Variants in BLOC1S6 observed in about 807,000 individuals in gnomAD.
BLOC1S6 encodes biogenesis of lysosomal organelles complex 1 subunit 6.
In BLOC1S6, 24 loss-of-function variants were observed where a neutral mutation model predicts 24.7. The ratio of observed to expected loss-of-function variants is 0.97; its 90% CI spans 0.70 to 1.37. The LOEUF (loss-of-function observed/expected upper bound fraction) is 1.37, where lower values mean the gene tolerates loss of function less well. Among genes scored for constraint, BLOC1S6 ranks in the 40% most tolerant of loss-of-function variants. The pLI is 0.00. For synonymous variants in BLOC1S6, 76 were observed against 72.6 expected (o/e 1.05, Z -0.23); for missense variants, 175 against 196.2 (o/e 0.89, Z 0.64).
At position 45,606,612 on chromosome 15, in the gene BLOC1S6, C is replaced by T; in HGVS notation, c.*98C>T. ...GAGGTAGTGCCTTATGCCATTATGTCATATGTTGAAATCCTTATTCCGGTA... is the reference window on the plus strand; with the variant it reads ...GAGGTAGTGCCTTATGCCATTATGTTATATGTTGAAATCCTTATTCCGGTA... On this transcript the variant is annotated 3_prime_UTR_variant, in exon 5 of 5. Coordinates refer to ENST00000220531, the MANE Select transcript of BLOC1S6 (RefSeq NM_012388.4). 1 of 1,534,456 alleles carries T rather than the reference C, an allele frequency of 6.5e-7. No individual in the cohort carries two copies. Among genetic ancestry groups the T allele is most frequent in the South Asian group, 1.1e-5 (1 of 89,186 alleles).
At chr15:45,593,377 T>G (rs535662916) in intron 2 of BLOC1S6, among the ~76,000 whole-genome samples, 1 of 131,596 alleles carries the variant, frequency 7.6e-6, no homozygotes, top group African/African-American at 3.1e-5. Context: ...AGAGTGAGAC[T>G]CTGTCTCCGA....
chr15:45,603,046 G>A, intron 2 of BLOC1S6, 54 bp from the exon 3 acceptor site: 1 of 1,200,586 alleles, frequency 8.3e-7, no homozygotes, highest in Non-Finnish European at 1.2e-6. Context: ...TCCTTTTAAT[G>A]GACCGGCACT....
chr15:45,587,526 G>A lies in BLOC1S6; in HGVS notation c.82+1G>A, dbSNP rs1194283484. On this transcript the variant is annotated splice_donor_variant, in intron 1 of 4. Transcript: ENST00000220531. LOFTEE classifies it high-confidence loss of function. ...CTGGAGGCCGGGGAGCCGACGCCTG[G>A]TACGTACTATCGGGTGGGAAGCGCG... 2.5e-6 allele frequency: 4 copies of A among 1,571,724 alleles called. No homozygotes were observed. The highest frequency in any genetic ancestry group is 1.8e-5 in the Admixed American group (1 of 54,608).
intron 2 of BLOC1S6, among the ~76,000 whole-genome samples, chr15:45,595,652 A>C (rs1894044910): frequency 6.6e-6 from 1 of 152,024 alleles, no homozygotes; most frequent in Non-Finnish European, 1.5e-5. Context: ...AAATAAGAAA[A>C]AATATAGTCG....
chr15:45,592,655 T>C (rs986875634), intron 2 of BLOC1S6, among the ~76,000 whole-genome samples: 1 of 152,246 alleles, frequency 6.6e-6, no homozygotes, highest in African/African-American at 2.4e-5. Flanking sequence ...TTTCAGTTGC[T>C]GGTTCAAATA....
At chr15:45,589,212 T>TA (rs1294460380) in intron 1 of BLOC1S6, among the ~76,000 whole-genome samples, 3 of 152,234 alleles carry the variant, frequency 2.0e-5, no homozygotes, top group African/African-American at 4.8e-5. Context: ...TATGGAAAGA[T>TA]ACCTAAGATA....
At chr15:45,587,655 C>A in intron 1 of BLOC1S6, 130 bp downstream of exon 1, 1 of 954,242 alleles carries the variant, frequency 1.0e-6, no homozygotes, top group Non-Finnish European at 1.6e-6. Flanking sequence ...GGCCCTGCCC[C>A]GAGTGCAGAA....
At chr15:45,596,582 T>G (rs1364658531) in intron 2 of BLOC1S6, among the ~76,000 whole-genome samples, 1 of 152,224 alleles carries the variant, frequency 6.6e-6, no homozygotes, top group Non-Finnish European at 1.5e-5. Context: ...TTGTGTAGGT[T>G]TATTTAATAA....
intron 2 of BLOC1S6, among the ~76,000 whole-genome samples, chr15:45,600,320 T>C (rs1179795939): frequency 6.6e-6 from 1 of 150,972 alleles, no homozygotes; most frequent in Non-Finnish European, 1.5e-5. Flanking sequence ...ACCCTAAAAC[T>C]TAAAGTATAA....
At chr15:45,597,588 A>T (rs908877566) in intron 2 of BLOC1S6, among the ~76,000 whole-genome samples, 8 of 152,168 alleles carry the variant, frequency 5.3e-5, no homozygotes, top group African/African-American at 1.9e-4. Context: ...TAGCTCCTGT[A>T]TATATTTTGT....
At chr15:45,597,350 G>A (rs984506355) in intron 2 of BLOC1S6, among the ~76,000 whole-genome samples, 1 of 152,068 alleles carries the variant, frequency 6.6e-6, no homozygotes, top group African/African-American at 2.4e-5. Context: ...GTGGTGGTGT[G>A]CACCTGTAGT....
At chr15:45,593,187 A>C (rs1893946057) in intron 2 of BLOC1S6, among the ~76,000 whole-genome samples, 1 of 151,564 alleles carries the variant, frequency 6.6e-6, no homozygotes, top group Non-Finnish European at 1.5e-5. Context: ...TGAGGTCGGG[A>C]GTTTTAGACC....
At chr15:45,587,920 A>G (rs1398573682) in intron 1 of BLOC1S6, 4 of 603,814 alleles carry the variant, frequency 6.6e-6, no homozygotes, top group African/African-American at 3.7e-5. Context: ...ATGCTTGGTC[A>G]GCTCGGTGAT....
chr15:45,603,919 A>G (rs1894356004), intron 3 of BLOC1S6, among the ~76,000 whole-genome samples: 1 of 152,218 alleles, frequency 6.6e-6, no homozygotes. Flanking sequence ...GATCAGTTAT[A>G]TCTTTCAATA....
At chr15:45,595,884 C>T (rs1555396809) in intron 2 of BLOC1S6, among the ~76,000 whole-genome samples, 1 of 151,108 alleles carries the variant, frequency 6.6e-6, no homozygotes, top group Non-Finnish European at 1.5e-5. Context: ...CTCGGCTCAC[C>T]ACAACGTCTG....
intron 2 of BLOC1S6, among the ~76,000 whole-genome samples, chr15:45,596,723 G>C (rs909134897): frequency 2.0e-5 from 3 of 151,714 alleles, no homozygotes; most frequent in African/African-American, 7.3e-5. Context: ...CTGTTGCCCA[G>C]GCTGGAATGC....
intron 2 of BLOC1S6, among the ~76,000 whole-genome samples, chr15:45,593,640 C>G (rs1468992285): frequency 1.3e-5 from 2 of 152,144 alleles, no homozygotes; most frequent in Admixed American, 1.3e-4. Context: ...AGCTGGGAAT[C>G]AAGTTTTAAT....
intron 2 of BLOC1S6, among the ~76,000 whole-genome samples, chr15:45,601,039 C>T (rs2140913888): frequency 6.6e-6 from 1 of 152,248 alleles, no homozygotes; most frequent in Non-Finnish European, 1.5e-5. Flanking sequence ...GGATGTCAGC[C>T]TTTATACACT....
rs188189399 is a variant in BLOC1S6 at position 45,605,885 on chromosome 15, C to T, written c.399+371C>T. 155 of 270,226 alleles carry T rather than the reference C, an allele frequency of 5.7e-4. No homozygotes were observed. The East Asian group carries it at 0.013, about 23-fold the overall frequency. 16.7% of individuals were successfully genotyped at this position (270,226 alleles called of 1,614,324 possible). A position where few individuals can be genotyped will look rare whatever the true frequency, so the allele number is the denominator to read the frequency against. On this transcript the variant is annotated intron_variant, in intron 4 of 4. Transcript: ENST00000220531. ...GATTACAGGCGTGAGCCACTGTGCC[C>T]GGCCAGTATTCATATTTTGACTTTT...
Sources: gnomAD v4.1 joint callset for allele counts (sites outside exome capture counted in the v4.1 genomes callset) on GRCh38, gnomAD v4.1.1 for gene constraint, MANE v1.5 for transcripts, NCBI Gene and HGNC (gene_info 2026-07-23, HGNC 2026-07-21) for gene names.